The following FHOD3 variants were observed in gnomAD, a reference collection of about 807,000 sequenced individuals.
FHOD3 encodes the protein formin homology 2 domain containing 3, also known as FH1/FH2 domain-containing protein 3.
FHOD3 carries 90 observed loss-of-function variants against 173.0 expected under a neutral mutation model. The observed-to-expected ratio is 0.52, with a 90% CI of 0.44 to 0.62. The LOEUF (loss-of-function observed/expected upper bound fraction) is 0.62. FHOD3 is among the 20% of genes least tolerant of loss of function. The pLI is 0.00. For missense variants in FHOD3, 1,945 were observed against 2,034.7 expected (o/e 0.96, Z 0.85); for synonymous variants, 828 against 823.0 (o/e 1.01, Z -0.10).
intron 1 of FHOD3, among the ~76,000 whole-genome samples, chr18:36,351,751 T>A (rs1289509157): frequency 6.6e-6 from 1 of 152,196 alleles, no homozygotes; most frequent in East Asian, 1.9e-4. Flanking sequence ...TTGAGGCAGA[T>A]ACCTGGCAGG....
In FHOD3 at chr18:36,572,475, G is replaced by A. The variant is rs540614275; in HGVS notation, c.512-3976G>A. On this transcript the variant is annotated intron_variant, in intron 5 of 28. Transcript: ENST00000590592. ...GCGGTTTACAGGCCGGATTGCTTTA[G>A]TAGTAGTGGGTAGGTACAAAAAAGA... Among the ~76,000 whole-genome samples, 7 of 152,264 alleles carry A rather than the reference G, an allele frequency of 4.6e-5. No individual in the cohort carries two copies. In the East Asian group the frequency reaches 9.7e-4, roughly 21 times the overall value.
intron 13 of FHOD3, among the ~76,000 whole-genome samples, 155 bp downstream of exon 13, chr18:36,653,571 A>G (rs1046721204): frequency 6.6e-6 from 1 of 152,224 alleles, no homozygotes. Flanking sequence ...GTATTTTACT[A>G]TGAACACTTA....
At chr18:36,427,723 A>G (rs1019294898) in intron 3 of FHOD3, among the ~76,000 whole-genome samples, 1 of 152,188 alleles carries the variant, frequency 6.6e-6, no homozygotes, top group Admixed American at 6.5e-5. Flanking sequence ...CCTGGTGCCC[A>G]TCTTAGAGCC....
chr18:36,589,729 C>T (rs2059148943), intron 6 of FHOD3, among the ~76,000 whole-genome samples: 1 of 152,188 alleles, frequency 6.6e-6, no homozygotes, highest in African/African-American at 2.4e-5. Context: ...AATCTACTCC[C>T]TCTCCACCAG....
intron 5 of FHOD3, among the ~76,000 whole-genome samples, chr18:36,548,703 T>C (rs1050705429): frequency 6.6e-6 from 1 of 152,258 alleles, no homozygotes; most frequent in African/African-American, 2.4e-5. Flanking sequence ...GTCCTTTTAT[T>C]GTCTGGCTTC....
At chr18:36,728,456 TG>T (rs1238932621) in intron 19 of FHOD3, among the ~76,000 whole-genome samples, 1 of 152,154 alleles carries the variant, frequency 6.6e-6, no homozygotes, top group African/African-American at 2.4e-5. Context: ...ACACTTTCCC[TG>T]AAGAGTGGGG....
chr18:36,559,479 G>A (rs1428052050), intron 5 of FHOD3, among the ~76,000 whole-genome samples: 1 of 152,118 alleles, frequency 6.6e-6, no homozygotes, highest in Non-Finnish European at 1.5e-5. Context: ...TGTGATTATT[G>A]TTTACTAATT....
chr18:36,346,541 A>G (rs1315501814), intron 1 of FHOD3, among the ~76,000 whole-genome samples: 1 of 152,160 alleles, frequency 6.6e-6, no homozygotes, highest in African/African-American at 2.4e-5. Flanking sequence ...CATGTTGGAC[A>G]CCACCATATC....
chr18:36,581,574 G>T (rs1019911572), intron 6 of FHOD3, among the ~76,000 whole-genome samples: 1 of 152,146 alleles, frequency 6.6e-6, no homozygotes, highest in Non-Finnish European at 1.5e-5. Context: ...CTGATCACAG[G>T]TCTCCAGACT....
chr18:36,327,841 G>A (rs1031906137), intron 1 of FHOD3, among the ~76,000 whole-genome samples: 1 of 152,164 alleles, frequency 6.6e-6, no homozygotes, highest in African/African-American at 2.4e-5. Flanking sequence ...CTGTGGCAAT[G>A]ACTCAACTCT....
chr18:36,398,951 G>A (rs73949472), intron 3 of FHOD3, among the ~76,000 whole-genome samples: 7,406 of 152,142 alleles, frequency 0.049, 600 homozygotes, highest in African/African-American at 0.17. Flanking sequence ...TTTTGGTCTG[G>A]CTGGTGTTGA....
chr18:36,778,658 C>T (rs902376854), intron 28 of FHOD3: 4 of 152,238 alleles, frequency 2.6e-5, no homozygotes, highest in African/African-American at 7.2e-5. Flanking sequence ...CAGTTGCCAA[C>T]TGCAACCCCC....
At chr18:36,562,533 A>G (rs2058123919) in intron 5 of FHOD3, among the ~76,000 whole-genome samples, 1 of 152,232 alleles carries the variant, frequency 6.6e-6, no homozygotes, top group African/African-American at 2.4e-5. Flanking sequence ...TATGGATGAC[A>G]TTCAGATGCC....
chr18:36,730,597 G>T (rs1415469698), intron 19 of FHOD3, 49 bp from the exon 20 acceptor site: 1 of 1,573,914 alleles, frequency 6.4e-7, no homozygotes, highest in Non-Finnish European at 8.6e-7. Context: ...AATGCAGAAA[G>T]GACCCAAGAT....
At chr18:36,687,532 TTTTAG>T (rs2038704220) in intron 16 of FHOD3, among the ~76,000 whole-genome samples, 2 of 152,196 alleles carry the variant, frequency 1.3e-5, no homozygotes, top group Non-Finnish European at 2.9e-5. Flanking sequence ...TCAAGAAATA[TTTTAG>T]TATCCACACT....
chr18:36,769,836 G>A (rs2150375905), intron 28 of FHOD3, among the ~76,000 whole-genome samples: 1 of 152,276 alleles, frequency 6.6e-6, no homozygotes, highest in Admixed American at 6.5e-5. Flanking sequence ...TGGGGCTGGA[G>A]ACTGGCCTCT....
intron 6 of FHOD3, among the ~76,000 whole-genome samples, chr18:36,588,218 A>T (rs16967991): frequency 6.6e-6 from 1 of 152,204 alleles, no homozygotes; most frequent in Non-Finnish European, 1.5e-5. Flanking sequence ...TTTGATAACC[A>T]GTTACGAAGG....
chr18:36,721,261 C>CTT (rs1463847843), intron 19 of FHOD3, among the ~76,000 whole-genome samples: 5 of 152,196 alleles, frequency 3.3e-5, no homozygotes, highest in Non-Finnish European at 5.9e-5. Flanking sequence ...AAACCCCTAC[C>CTT]TTTGTCTTTG....
At chr18:36,365,969 A>G (rs1369027338) in intron 2 of FHOD3, among the ~76,000 whole-genome samples, 4 of 152,100 alleles carry the variant, frequency 2.6e-5, no homozygotes, top group African/African-American at 9.7e-5. Flanking sequence ...CAAACTTCAC[A>G]CTTTGGTTGT....
Sources: allele counts gnomAD v4.1 joint callset (sites outside exome capture counted in the v4.1 genomes callset), GRCh38; gene constraint gnomAD v4.1.1; transcripts MANE v1.5; gene names NCBI Gene and HGNC (gene_info 2026-07-23, HGNC 2026-07-21).